DIS3L2: variants seen among roughly 807,000 people sequenced by gnomAD.
DIS3L2 encodes the protein DIS3 like 3'-5' exoribonuclease 2, also known as DIS3-like exonuclease 2.
A neutral mutation model predicts 97.5 loss-of-function variants in DIS3L2; 34 were observed. That is an observed-to-expected ratio of 0.35 (90% confidence interval 0.27 to 0.46). The LOEUF (loss-of-function observed/expected upper bound fraction) is 0.46. Ranked by LOEUF, DIS3L2 falls within the 20% of genes least tolerant of loss-of-function variation. DIS3L2 has a pLI of 1.00. For missense variants in DIS3L2, 1,038 were observed against 1,146.0 expected (o/e 0.91, Z 1.36); for synonymous variants, 435 against 445.2 (o/e 0.98, Z 0.29).
intron 9 of DIS3L2, among the ~76,000 whole-genome samples, chr2:232,175,014 A>C (rs114153858): frequency 6.6e-6 from 1 of 151,874 alleles, no homozygotes; most frequent in South Asian, 2.1e-4. Context: ...TTTTTTGTGG[A>C]GATAGGGTTT....
chr2:232,155,863 G>A (rs1313148863), intron 8 of DIS3L2, among the ~76,000 whole-genome samples: 3 of 151,724 alleles, frequency 2.0e-5, no homozygotes, highest in Non-Finnish European at 4.4e-5. Context: ...TGTGGCGGGT[G>A]CCTGTAGTCC....
At chr2:232,050,280 T>C (rs1271949781) in intron 5 of DIS3L2, among the ~76,000 whole-genome samples, 1 of 152,184 alleles carries the variant, frequency 6.6e-6, no homozygotes, top group Non-Finnish European at 1.5e-5. Flanking sequence ...CATTTCTTTT[T>C]TCTTTTTTTG....
intron 1 of DIS3L2, among the ~76,000 whole-genome samples, chr2:231,973,258 C>A (rs1193680492): frequency 6.7e-6 from 1 of 149,578 alleles, no homozygotes; most frequent in Admixed American, 6.6e-5. Context: ...TTCAGAAGAT[C>A]CGTATGTATA....
At chr2:232,215,311 C>T (rs1226194779) in intron 10 of DIS3L2, among the ~76,000 whole-genome samples, 4 of 152,158 alleles carry the variant, frequency 2.6e-5, no homozygotes, top group African/African-American at 4.8e-5. Context: ...TGCTCTGCTG[C>T]CCGCTCACAT....
At chr2:232,228,669 T>G (rs1472898815) in intron 10 of DIS3L2, among the ~76,000 whole-genome samples, 2 of 152,212 alleles carry the variant, frequency 1.3e-5, no homozygotes, top group African/African-American at 4.8e-5. Context: ...GGCTGGCCAG[T>G]AGTGCTGTTT....
chr2:231,982,937 C>T (rs572529502), intron 1 of DIS3L2, among the ~76,000 whole-genome samples: 3 of 152,234 alleles, frequency 2.0e-5, no homozygotes, highest in East Asian at 1.9e-4. Context: ...ACCTCGGCCT[C>T]GCAAAGTGCT....
intron 14 of DIS3L2, among the ~76,000 whole-genome samples, chr2:232,312,631 C>T (rs1202467859): frequency 6.6e-6 from 1 of 152,222 alleles, no homozygotes; most frequent in African/African-American, 2.4e-5. Flanking sequence ...TTGCCACATA[C>T]ATGCACACAA....
Position 232,026,153 on chromosome 2 carries a change from G to A in DIS3L2, c.264+1823G>A, listed in dbSNP as rs150465368. 5.1e-4 allele frequency among the ~76,000 whole-genome samples: 77 copies of A among 152,266 alleles called. 1 individual carries two copies. In the East Asian group the frequency reaches 0.012, roughly 24 times the overall value. On this transcript the variant is annotated intron_variant, in intron 4 of 20. Coordinates refer to ENST00000325385, the MANE Select transcript of DIS3L2 (RefSeq NM_152383.5). ...CCTATTGGGTTGGCTCCTAGCAAGT[G>A]TGGGACCTAGGACAGAAGTAGAAAA...
At chr2:232,289,600 T>G (rs1258242859) in intron 13 of DIS3L2, among the ~76,000 whole-genome samples, 1 of 152,198 alleles carries the variant, frequency 6.6e-6, no homozygotes, top group Non-Finnish European at 1.5e-5. Flanking sequence ...AGGCTATTTC[T>G]TAAGACAAAA....
intron 1 of DIS3L2, among the ~76,000 whole-genome samples, chr2:232,013,643 C>T (rs1237662657): frequency 6.6e-6 from 1 of 152,212 alleles, no homozygotes; most frequent in African/African-American, 2.4e-5. Flanking sequence ...ATAGTGCTTA[C>T]CACTTATCCT....
At chr2:232,196,788 A>G (rs1691767644) in intron 9 of DIS3L2, among the ~76,000 whole-genome samples, 1 of 151,422 alleles carries the variant, frequency 6.6e-6, no homozygotes, top group Non-Finnish European at 1.5e-5. Context: ...GTGAAGAATG[A>G]TAGTTCCATT....
At chr2:232,162,151 A>T (rs1690670391) in intron 8 of DIS3L2, among the ~76,000 whole-genome samples, 1 of 151,916 alleles carries the variant, frequency 6.6e-6, no homozygotes, top group South Asian at 2.1e-4. Context: ...GATTTTCCAG[A>T]TTGCTTTCTG....
chr2:232,241,384 T>A (rs952137377), intron 11 of DIS3L2, among the ~76,000 whole-genome samples: 2 of 152,242 alleles, frequency 1.3e-5, no homozygotes, highest in Non-Finnish European at 2.9e-5. Flanking sequence ...TGGCACTGAT[T>A]TCATTCAGAT....
At chr2:232,027,057 G>A (rs1025920579) in intron 4 of DIS3L2, among the ~76,000 whole-genome samples, 4 of 152,098 alleles carry the variant, frequency 2.6e-5, no homozygotes, top group Admixed American at 1.3e-4. Flanking sequence ...TTTTGGACAC[G>A]GGAACAGTCC....
chr2:232,238,427 A>G (rs972340806), intron 10 of DIS3L2, 106 bp from the exon 11 acceptor site: 3 of 843,192 alleles, frequency 3.6e-6, no homozygotes, highest in African/African-American at 1.7e-5. Flanking sequence ...ACCTAACTGC[A>G]GGTCCTGTGG....
intron 6 of DIS3L2, among the ~76,000 whole-genome samples, chr2:232,095,953 T>C (rs1391211771): frequency 6.6e-6 from 1 of 152,034 alleles, no homozygotes; most frequent in Non-Finnish European, 1.5e-5. Context: ...TGTTTGTTTG[T>C]TTGTTTCTCT....
At chr2:232,055,189 A>G (rs1230727554) in intron 5 of DIS3L2, among the ~76,000 whole-genome samples, 2 of 152,240 alleles carry the variant, frequency 1.3e-5, no homozygotes, top group East Asian at 1.9e-4. Context: ...TGAAGCGAGG[A>G]TGCTCACTAT....
chr2:232,053,992 A>G (rs1030537582), intron 5 of DIS3L2, among the ~76,000 whole-genome samples: 11 of 152,136 alleles, frequency 7.2e-5, no homozygotes, highest in African/African-American at 2.2e-4. Flanking sequence ...AGCTGGCCCC[A>G]TCCTCCAAGA....
At chr2:232,270,877 TC>T (rs1477061818) in intron 13 of DIS3L2, among the ~76,000 whole-genome samples, 2 of 105,824 alleles carry the variant, frequency 1.9e-5, no homozygotes, top group Non-Finnish European at 4.0e-5. Flanking sequence ...TCTCTCTCTC[TC>T]TCTCTCTCTC....
Sources: allele counts gnomAD v4.1 joint callset (sites outside exome capture counted in the v4.1 genomes callset), GRCh38; gene constraint gnomAD v4.1.1; transcripts MANE v1.5; gene names NCBI Gene and HGNC (gene_info 2026-07-23, HGNC 2026-07-21).